The following ABI3BP variants were observed in gnomAD, a reference collection of about 807,000 sequenced individuals.
ABI3BP encodes the protein target of Nesh-SH3.
A neutral mutation model predicts 268.6 loss-of-function variants in ABI3BP; 216 were observed. That is an observed-to-expected ratio of 0.80 (90% CI 0.72 to 0.90). ABI3BP has a LOEUF of 0.90. Among genes scored for constraint, ABI3BP ranks in the 40% least tolerant of loss-of-function variants. The probability of loss-of-function intolerance (pLI) is 0.00; values close to 1 mark genes in which losing one functional copy is unlikely to be tolerated. For missense variants in ABI3BP, 2,090 were observed against 2,182.4 expected (o/e 0.96, Z 0.84); for synonymous variants, 730 against 730.0 (o/e 1.00, Z 0.00).
At chr3:100,858,352 T>C (rs933622587) in intron 14 of ABI3BP, among the ~76,000 whole-genome samples, 2 of 152,108 alleles carry the variant, frequency 1.3e-5, no homozygotes, top group South Asian at 2.1e-4. Context: ...TCAGGACAAA[T>C]AGGCTGAATG....
intron 4 of ABI3BP, among the ~76,000 whole-genome samples, chr3:100,890,778 T>A (rs182341727): frequency 2.4e-3 from 368 of 152,298 alleles, no homozygotes; most frequent in African/African-American, 8.6e-3. Flanking sequence ...CTTCATTTTC[T>A]TTTCCAAATC....
intron 1 of ABI3BP, among the ~76,000 whole-genome samples, chr3:100,990,147 C>T (rs1157068572): frequency 6.6e-6 from 1 of 152,182 alleles, no homozygotes; most frequent in Non-Finnish European, 1.5e-5. Context: ...TTCACACCAC[C>T]TCATCTCCTA....
At chr3:100,853,616 T>A (rs1049265856) in intron 14 of ABI3BP, among the ~76,000 whole-genome samples, 2 of 152,228 alleles carry the variant, frequency 1.3e-5, no homozygotes, top group Non-Finnish European at 2.9e-5. Context: ...GGACCAATTT[T>A]CCTATAGTCT....
chr3:100,826,163 T>G (rs748563684), intron 34 of ABI3BP, among the ~76,000 whole-genome samples: 1 of 152,250 alleles, frequency 6.6e-6, no homozygotes. Flanking sequence ...GGAAAGGCCA[T>G]GTGAGGATAC....
intron 2 of ABI3BP, chr3:100,911,976 C>G: frequency 1.2e-6 from 1 of 841,876 alleles, no homozygotes; most frequent in Non-Finnish European, 2.0e-6. Context: ...ATTATAAAAG[C>G]TAAAAAAAGC....
chr3:100,810,535 C>T, intron 48 of ABI3BP, 58 bp from the exon 49 acceptor site: 1 of 1,210,768 alleles, frequency 8.3e-7, no homozygotes, highest in Non-Finnish European at 1.2e-6. Flanking sequence ...ACCTTGAGTA[C>T]AGATAACAGA....
At chr3:100,754,733 G>A in intron 63 of ABI3BP, 42 bp from the exon 64 acceptor site, 1 of 1,489,932 alleles carries the variant, frequency 6.7e-7, no homozygotes, top group South Asian at 1.2e-5. Flanking sequence ...ATACATTCTT[G>A]AGGGCTAGGA....
chr3:100,926,490 G>C lies in ABI3BP; in HGVS notation c.80-9C>G, dbSNP rs373178205. 1.2e-6 allele frequency: 2 copies of C among 1,610,248 alleles called. No homozygotes were observed. The highest frequency in any genetic ancestry group is 1.7e-6 in the Non-Finnish European group (2 of 1,176,988). ...GAGGTTTGGCCTTTTACCTAACAAT[G>C]GGAATGAAAACATCGATGGCTGTTA... On this transcript the variant is annotated splice_polypyrimidine_tract_variant and intron_variant, in intron 1 of 67. Transcript: ENST00000471714.
intron 6 of ABI3BP, among the ~76,000 whole-genome samples, chr3:100,880,572 G>A (rs527476091): frequency 1.2e-4 from 18 of 152,234 alleles, no homozygotes; most frequent in East Asian, 5.8e-4. Flanking sequence ...ACACTGTGGC[G>A]AAGCATGCAG....
At chr3:100,963,917 C>T (rs1201566489) in intron 1 of ABI3BP, among the ~76,000 whole-genome samples, 9 of 152,230 alleles carry the variant, frequency 5.9e-5, no homozygotes, top group African/African-American at 1.4e-4. Context: ...TAAAAGCCTC[C>T]TCTGACATCC....
At chr3:100,981,395 C>T (rs1050802471) in intron 1 of ABI3BP, among the ~76,000 whole-genome samples, 4 of 151,996 alleles carry the variant, frequency 2.6e-5, no homozygotes, top group African/African-American at 9.7e-5. Context: ...TGAAGACTCT[C>T]ATCATGTTGA....
intron 1 of ABI3BP, among the ~76,000 whole-genome samples, chr3:100,951,298 A>G (rs1196929988): frequency 1.3e-5 from 2 of 151,830 alleles, no homozygotes; most frequent in African/African-American, 4.9e-5. Context: ...ACTCTGTGAC[A>G]CAGTGGTATC....
At chr3:100,990,138 T>C (rs1346949548) in intron 1 of ABI3BP, among the ~76,000 whole-genome samples, 1 of 152,196 alleles carries the variant, frequency 6.6e-6, no homozygotes, top group Non-Finnish European at 1.5e-5. Flanking sequence ...TCTGCCAAGT[T>C]CACACCACCT....
In ABI3BP at chr3:100,841,896, GAGA is replaced by G; in HGVS notation, c.1765+99_1765+101del. 4 of 943,218 alleles carry G rather than the reference GAGA, an allele frequency of 4.2e-6. No homozygotes were observed. The South Asian group carries it at 5.0e-5, about 12-fold the overall frequency. 58.4% of individuals were successfully genotyped at this position (943,218 alleles called of 1,614,324 possible). A position where few individuals can be genotyped will look rare whatever the true frequency, so the allele number is the denominator to read the frequency against. On this transcript the variant is annotated intron_variant, in intron 21 of 67. Coordinates refer to ENST00000471714, the MANE Select transcript of ABI3BP (RefSeq NM_001375547.2). ...AAAAACGAGAGTGAAACTTCATCTG[GAGA>G]AGAAAAAAAAAAAAAAACAAAACCC...
intron 4 of ABI3BP, among the ~76,000 whole-genome samples, chr3:100,891,904 G>A (rs1408641214): frequency 6.6e-6 from 1 of 152,220 alleles, no homozygotes; most frequent in Non-Finnish European, 1.5e-5. Flanking sequence ...ACTGAAGAAG[G>A]CAGAATGGAA....
chr3:100,851,795 A>C, intron 15 of ABI3BP, 80 bp downstream of exon 15: 1 of 1,243,534 alleles, frequency 8.0e-7, no homozygotes, highest in Non-Finnish European at 1.1e-6. Context: ...ACAATTTTCC[A>C]CTCTGCAAAA....
intron 46 of ABI3BP, among the ~76,000 whole-genome samples, chr3:100,812,242 G>A (rs577167345): frequency 7.9e-5 from 12 of 152,192 alleles, no homozygotes; most frequent in South Asian, 2.1e-4. Flanking sequence ...TAAAATTTTC[G>A]TTTCGAGTGA....
intron 63 of ABI3BP, 52 bp downstream of exon 63, chr3:100,765,789 G>A: frequency 7.7e-7 from 1 of 1,306,632 alleles, no homozygotes; most frequent in Non-Finnish European, 1.1e-6. Context: ...CCTTGTTGTG[G>A]TTATAACTTT....
At chr3:100,850,190 G>T in intron 16 of ABI3BP, 71 bp from the exon 17 acceptor site, 1 of 1,362,648 alleles carries the variant, frequency 7.3e-7, no homozygotes, top group Non-Finnish European at 1.0e-6. Context: ...ATTTTAACAT[G>T]CTTTTAGATG....
Sources: gnomAD v4.1 joint callset for allele counts (sites outside exome capture counted in the v4.1 genomes callset) on GRCh38, gnomAD v4.1.1 for gene constraint, MANE v1.5 for transcripts, NCBI Gene and HGNC (gene_info 2026-07-23, HGNC 2026-07-21) for gene names.